Variants in MTHFSD observed in about 807,000 individuals in gnomAD.
MTHFSD encodes methenyltetrahydrofolate synthase domain-containing protein.
Under a neutral mutation model 31.1 loss-of-function variants are expected in MTHFSD, and 37 were observed. That is an observed-to-expected ratio of 1.19 (90% CI 0.91 to 1.56). The LOEUF (loss-of-function observed/expected upper bound fraction) is 1.56, where lower values mean the gene tolerates loss of function less well. MTHFSD is among the 40% of genes most tolerant of loss of function. The pLI is 0.00. For missense variants in MTHFSD, 664 were observed against 510.1 expected (o/e 1.30, Z -2.91); for synonymous variants, 221 against 206.9 (o/e 1.07, Z -0.59).
At chr16:86,555,079 G>C (rs1973898901) in intron 1 of MTHFSD, 90 bp downstream of exon 1, 1 of 1,507,686 alleles carries the variant, frequency 6.6e-7, no homozygotes, top group South Asian at 1.2e-5. Context: ...CCCATCCTCT[G>C]CCAGCCCCGG....
intron 3 of MTHFSD, 132 bp downstream of exon 3, chr16:86,551,901 C>T: frequency 6.7e-7 from 1 of 1,489,308 alleles, no homozygotes; most frequent in Non-Finnish European, 8.9e-7. Flanking sequence ...ACCAAGGGCA[C>T]TTTCTGTATT....
intron 5 of MTHFSD, among the ~76,000 whole-genome samples, chr16:86,545,049 C>T (rs1300144293): frequency 6.6e-6 from 1 of 152,112 alleles, no homozygotes; most frequent in Non-Finnish European, 1.5e-5. Context: ...CATACTGGGG[C>T]CTGTCAGGGC....
At chr16:86,532,583 G>T in intron 7 of MTHFSD, 102 bp from the exon 8 acceptor site, 1 of 948,454 alleles carries the variant, frequency 1.1e-6, no homozygotes, top group Non-Finnish European at 1.4e-6. Context: ...TGCACACGTG[G>T]ACTGGATGCC....
Position 86,532,455 on chromosome 16 carries a change from G to C in MTHFSD, c.708C>G (p.Ile236Met). 1.4e-6 allele frequency: 2 copies of C among 1,443,886 alleles called. No individual in the cohort carries two copies. The highest frequency in any genetic ancestry group is 3.0e-5 in the South Asian group (2 of 66,884). 89.4% of individuals were successfully genotyped at this position (1,443,886 alleles called of 1,614,324 possible). ...FKISLEMMEKIPILRSLRARE... is the reference protein window; with the variant it reads ...FKISLEMMEKMPILRSLRARE... Reference sequence around the variant, plus strand: ...GGGCGCGGAGGCTCCTCAGTATGGGGATTTTCTCCATCATCTCCAGGCTGA... The same window carrying C: ...GGGCGCGGAGGCTCCTCAGTATGGGCATTTTCTCCATCATCTCCAGGCTGA... Residue 236 changes from isoleucine to methionine, a missense_variant, in exon 8 of 8, where the codon ATC (isoleucine) becomes ATG (methionine). Coordinates refer to ENST00000360900, the MANE Select transcript of MTHFSD (RefSeq NM_001159377.2).
At chr16:86,538,481 C>G (rs895253777) in intron 7 of MTHFSD, among the ~76,000 whole-genome samples, 7 of 152,228 alleles carry the variant, frequency 4.6e-5, no homozygotes, top group African/African-American at 1.4e-4. Context: ...GCCCTGGGAG[C>G]TGGCTGGGAC....
chr16:86,533,259 A>G (rs1452867326), intron 7 of MTHFSD: 1 of 152,246 alleles, frequency 6.6e-6, no homozygotes, highest in African/African-American at 2.4e-5. Context: ...TGCAGCCTAA[A>G]TGGTGAAGGC....
intron 2 of MTHFSD, chr16:86,553,365 A>C (rs1219540080): frequency 6.6e-6 from 1 of 152,408 alleles, no homozygotes; most frequent in African/African-American, 2.4e-5. Context: ...CCGCAGCTGC[A>C]CTGTGGGAGC....
chr16:86,534,882 C>T (rs1253110548), intron 7 of MTHFSD, among the ~76,000 whole-genome samples: 4 of 152,164 alleles, frequency 2.6e-5, no homozygotes, highest in African/African-American at 9.7e-5. Flanking sequence ...CACTGCTCTT[C>T]TGATGGGGTC....
intron 7 of MTHFSD, among the ~76,000 whole-genome samples, chr16:86,540,559 C>T (rs1971355061): frequency 6.6e-6 from 1 of 152,246 alleles, no homozygotes; most frequent in South Asian, 2.1e-4. Context: ...GGACTGCCAG[C>T]AGCTTCGCTG....
chr16:86,547,607 C>A, intron 4 of MTHFSD: 1 of 952,676 alleles, frequency 1.0e-6, no homozygotes. Flanking sequence ...TGAATGCTGA[C>A]CATCACCATG....
At position 86,530,289 on chromosome 16, in the gene MTHFSD, A is replaced by T. The variant is rs1425043459; in HGVS notation, c.*1722T>A. 1 of 152,226 alleles carries T rather than the reference A, an allele frequency of 6.6e-6. No homozygotes were observed. The highest frequency in any genetic ancestry group is 2.4e-5 in the African/African-American group (1 of 41,462). 9.4% of individuals were successfully genotyped at this position (152,226 alleles called of 1,614,324 possible). On this transcript the variant is annotated 3_prime_UTR_variant, in exon 8 of 8. Coordinates refer to ENST00000360900, the MANE Select transcript of MTHFSD (RefSeq NM_001159377.2). ...ACTCTTTCAGATTATCTGTATATCC[A>T]TATACCTGGATTATTCTGGCTAAAG... is the stretch of plus-strand genomic sequence containing the variant.
At chr16:86,554,569 G>C in intron 2 of MTHFSD, 76 bp downstream of exon 2, 2 of 1,134,958 alleles carry the variant, frequency 1.8e-6, no homozygotes, top group Non-Finnish European at 2.6e-6. Flanking sequence ...GACGCAGTAA[G>C]AGAATTTTAT....
chr16:86,548,140 G>A, intron 4 of MTHFSD: 1 of 1,302,048 alleles, frequency 7.7e-7, no homozygotes, highest in Non-Finnish European at 1.0e-6. Context: ...ATAAGAAAAA[G>A]CTCCACAATA....
intron 1 of MTHFSD, 200 bp from the exon 2 acceptor site, chr16:86,554,951 T>C: frequency 8.0e-7 from 1 of 1,255,008 alleles, no homozygotes; most frequent in Non-Finnish European, 1.1e-6. Context: ...CCTCGTCTTC[T>C]CGTTATCTTT....
At chr16:86,554,097 A>C (rs1042931014) in intron 2 of MTHFSD, among the ~76,000 whole-genome samples, 1 of 152,170 alleles carries the variant, frequency 6.6e-6, no homozygotes, top group Non-Finnish European at 1.5e-5. Context: ...GGCTGCCTGA[A>C]CCAGCAGCAA....
chr16:86,546,698 C>A, intron 4 of MTHFSD, 49 bp from the exon 5 acceptor site: 4 of 1,485,848 alleles, frequency 2.7e-6, no homozygotes, highest in Non-Finnish European at 3.8e-6. Context: ...GCTGCTTCCT[C>A]ATTTTATAAT....
chr16:86,541,290 G>GAA, intron 7 of MTHFSD: 1 of 873,488 alleles, frequency 1.1e-6, no homozygotes, highest in South Asian at 1.9e-5. Context: ...CAGATCGTCA[G>GAA]TAAAAAAAAA....
At position 86,554,141 on chromosome 16, in the gene MTHFSD, G is replaced by A. The variant is rs191336415; in HGVS notation, c.123+504C>T. On this transcript the variant is annotated intron_variant, in intron 2 of 7. Transcript: ENST00000360900. ...TCCAATCCCCTTCCACATTGTGGAAGGTTTGTTCTTTGCAATAAATCTTGC... is the reference window on the plus strand; with the variant it reads ...TCCAATCCCCTTCCACATTGTGGAAAGTTTGTTCTTTGCAATAAATCTTGC... 3.3e-5 allele frequency among the ~76,000 whole-genome samples: 5 copies of A among 152,210 alleles called. No individual in the cohort carries two copies. The East Asian group carries it at 7.7e-4, about 24-fold the overall frequency.
chr16:86,539,577 T>G (rs1283972943), intron 7 of MTHFSD, among the ~76,000 whole-genome samples: 2 of 152,170 alleles, frequency 1.3e-5, no homozygotes, highest in Non-Finnish European at 2.9e-5. Context: ...ACTGCTAAAC[T>G]CAGCAATACA....
Sources: gnomAD v4.1 joint callset for allele counts (sites outside exome capture counted in the v4.1 genomes callset) on GRCh38, gnomAD v4.1.1 for gene constraint, MANE v1.5 for transcripts, NCBI Gene and HGNC (gene_info 2026-07-23, HGNC 2026-07-21) for gene names.